Variants in ZNF880 observed in about 807,000 individuals in gnomAD.
The protein encoded by ZNF880 is zinc finger protein LOC400713.
In ZNF880, 12 loss-of-function variants were observed where a neutral mutation model predicts 11.8. That is an observed-to-expected ratio of 1.02 (90% confidence interval 0.65 to 1.65). ZNF880 has a LOEUF of 1.65. Ranked by LOEUF, ZNF880 falls within the 40% of genes most tolerant of loss-of-function variation. The pLI is 0.00. For missense variants in ZNF880, 601 were observed against 673.9 expected (o/e 0.89, Z 1.20); for synonymous variants, 210 against 232.4 (o/e 0.90, Z 0.88).
At chr19:52,373,341 G>C in intron 2 of ZNF880, 104 bp downstream of exon 2, 1 of 1,202,810 alleles carries the variant, frequency 8.3e-7, no homozygotes, top group South Asian at 1.5e-5. Flanking sequence ...GCTTGACTGA[G>C]ATTGAAACCC....
upstream of ZNF880, chr19:52,366,920 C>T (rs924599022): frequency 1.6e-6 from 1 of 608,408 alleles, no homozygotes; most frequent in African/African-American, 1.8e-5. Context: ...GGAAACCCTA[C>T]AAATGTAAAG....
chr19:52,393,712 C>A, the ZNF880 span, among the ~76,000 whole-genome samples: 1 of 140,696 alleles, frequency 7.1e-6, no homozygotes, highest in Non-Finnish European at 1.6e-5. Context: ...ATGGAGTCTT[C>A]CAATAAATGT....
intron 1 of ZNF880, 183 bp downstream of exon 1, chr19:52,370,160 C>T (rs1386558256): frequency 2.0e-5 from 15 of 738,172 alleles, no homozygotes; most frequent in South Asian, 1.3e-4. Flanking sequence ...CGCTCGGAGG[C>T]TGGTCCTGTC....
At chr19:52,373,857 G>A (rs1986470535) in intron 2 of ZNF880, among the ~76,000 whole-genome samples, 1 of 150,810 alleles carries the variant, frequency 6.6e-6, no homozygotes, top group African/African-American at 2.4e-5. Flanking sequence ...TTTTAGTGGA[G>A]ATGGGGTTTC....
intron 1 of ZNF880, chr19:52,370,222 C>G: frequency 1.8e-6 from 1 of 565,860 alleles, no homozygotes. Flanking sequence ...CGGAGTTTGC[C>G]TGCTTCAAAT....
chr19:52,390,321 C>T (rs1030640660), downstream of ZNF880: 58 of 404,562 alleles, frequency 1.4e-4, no homozygotes, highest in Non-Finnish European at 3.5e-5. Context: ...AGCGCAGCGA[C>T]GCAGCCCCAG....
chr19:52,393,284 G>A, the ZNF880 span, among the ~76,000 whole-genome samples: 4 of 151,468 alleles, frequency 2.6e-5, no homozygotes, highest in Non-Finnish European at 5.9e-5. Flanking sequence ...AGTTGGCCAG[G>A]CTGGTCTCGA....
rs8104812 is a variant in ZNF880 at position 52,384,184 on chromosome 19, A to T, written c.604A>T (p.Asn202Tyr). ...AFRVSSRLANNQVIHTADNPY... is the reference protein window; with the variant it reads ...AFRVSSRLANYQVIHTADNPY... The stretch of plus-strand genomic sequence containing the variant: ...TAGAGTGTCTTCAAGACTTGCTAAC[A>T]ATCAAGTAATCCACACTGCAGATAA... Residue 202 changes from asparagine to tyrosine, a missense_variant, in exon 4 of 4, where the codon AAT (asparagine) becomes TAT (tyrosine). Physicochemically the swap from Asn to Tyr is moderately radical, Grantham distance 143. This residue lies in a region of ZNF880 where 420 missense variants were observed against 442.6 expected (regional missense o/e 0.95). Coordinates refer to ENST00000422689, the MANE Select transcript of ZNF880 (RefSeq NM_001145434.2). 1.9e-6 allele frequency: 3 copies of T among 1,608,822 alleles called. No individual in the cohort carries two copies. The highest frequency in any genetic ancestry group is 2.5e-6 in the Non-Finnish European group (3 of 1,177,152).
rs1451007759 is a variant in ZNF880, at chr19:52,384,978, T to C, written c.1398T>C (p.Cys466=). ...RFHTGEKPYR[C]DECGKDFTRN... is the part of the protein sequence containing the mutation. ...ATACTGGAGAGAAACCTTACAGATG[T>C]GATGAATGTGGCAAGGACTTCACTC... The change falls in exon 4 of 4, where the codon TGT becomes TGC. Residue 466 remains cysteine, a synonymous_variant. Transcript: ENST00000422689. 2.6e-6 allele frequency: 4 copies of C among 1,567,428 alleles called. No homozygotes were observed. The African/African-American group carries it at 5.4e-5, about 21-fold the overall frequency.
intron 3 of ZNF880, among the ~76,000 whole-genome samples, chr19:52,380,252 T>C (rs1341791015): frequency 6.6e-6 from 1 of 152,096 alleles, no homozygotes; most frequent in East Asian, 1.9e-4. Context: ...AAGTCTCCCA[T>C]TTCTGCACAT....
chr19:52,390,435 C>T (rs983075833), downstream of ZNF880: 4 of 302,136 alleles, frequency 1.3e-5, no homozygotes, highest in African/African-American at 6.8e-5. Context: ...GGCCCTTCTG[C>T]TCCCCAGGCC....
chr19:52,378,778 T>G (rs1986627710), intron 3 of ZNF880, among the ~76,000 whole-genome samples: 1 of 152,112 alleles, frequency 6.6e-6, no homozygotes, highest in East Asian at 1.9e-4. Context: ...CCTTTCCATG[T>G]ATTAGAAATG....
chr19:52,374,240 A>C, intron 2 of ZNF880, 59 bp from the exon 3 acceptor site: 1 of 1,407,394 alleles, frequency 7.1e-7, no homozygotes, highest in Non-Finnish European at 9.6e-7. Context: ...TTTTTAGTAG[A>C]GATGGGGTTT....
In ZNF880 at chr19:52,376,493, ACCGCC is replaced by A. The variant is rs1255346045; in HGVS notation, c.268+2069_268+2073del. On this transcript the variant is annotated intron_variant, in intron 3 of 3. Transcript: ENST00000422689. ...ACAATTGTCTATTCATGTCCTTAGC[ACCGCC>A]CCCCCCCCCCCTTTTTTTTTTTTTT... Among the ~76,000 whole-genome samples, 17 of 104,446 alleles carry A rather than the reference ACCGCC, an allele frequency of 1.6e-4. 2 individuals carry two copies. The East Asian group carries it at 2.8e-3, about 17-fold the overall frequency. The allele number at this position is 104,446 out of a possible 152,430, so 68.5% of individuals were successfully genotyped here. A position where few individuals can be genotyped will look rare whatever the true frequency, so the allele number is the denominator to read the frequency against.
At chr19:52,383,784 C>A in intron 3 of ZNF880, 65 bp from the exon 4 acceptor site, 1 of 1,453,104 alleles carries the variant, frequency 6.9e-7, no homozygotes, top group East Asian at 2.5e-5. Context: ...AATCTAGTCT[C>A]TCTGTCAGAC....
At chr19:52,368,622 G>A (rs891311426), upstream of ZNF880, among the ~76,000 whole-genome samples, 4 of 152,046 alleles carry the variant, frequency 2.6e-5, no homozygotes, top group East Asian at 3.9e-4. Context: ...GGGCTGGGGC[G>A]GGGATACCCA....
At chr19:52,373,998 C>CCT (rs1477706254) in intron 2 of ZNF880, among the ~76,000 whole-genome samples, 1 of 151,896 alleles carries the variant, frequency 6.6e-6, no homozygotes, top group Non-Finnish European at 1.5e-5. Flanking sequence ...TTTATAATAT[C>CCT]CTCTCTCCTA....
At chr19:52,391,653 C>G in the ZNF880 span, 1 of 152,254 alleles carries the variant, frequency 6.6e-6, no homozygotes, top group Middle Eastern at 3.4e-3. Flanking sequence ...TAATAAACAT[C>G]ACATTTGTTT....
rs771849196 is a variant in ZNF880 at position 52,384,943 on chromosome 19, C to T, written c.1363C>T (p.Gln455Ter). The change falls in exon 4 of 4, where the codon CAG becomes TAG. Residue 455 changes from glutamine to a stop codon, truncating the protein, a stop_gained. Transcript: ENST00000422689. LOFTEE classifies it low-confidence loss of function (END_TRUNC). The stretch of plus-strand genomic sequence containing the variant: ...GCATAGATTATCCCTAAGCAATCAT[C>T]AGAGATTTCATACTGGAGAGAAACC... ...FRHRLSLSNH[Q>*]RFHTGEKPYR... 6.3e-7 allele frequency: 1 copy of T among 1,583,034 alleles called. No individual in the cohort carries two copies. Among genetic ancestry groups the T allele is most frequent in the Non-Finnish European group, 8.6e-7 (1 of 1,163,390 alleles).
Sources: allele counts gnomAD v4.1 joint callset (sites outside exome capture counted in the v4.1 genomes callset), GRCh38; gene constraint gnomAD v4.1.1; regional missense constraint gnomAD v4.1.1; transcripts MANE v1.5; gene names NCBI Gene and HGNC (gene_info 2026-07-23, HGNC 2026-07-21).